The following NIPAL4 variants were observed in gnomAD, a reference collection of about 807,000 sequenced individuals.
NIPAL4 encodes magnesium transporter NIPA4.
In NIPAL4, 21 loss-of-function variants were observed where a neutral mutation model predicts 31.6. That is an observed-to-expected ratio of 0.67 (90% CI 0.47 to 0.96). NIPAL4 has a LOEUF of 0.96. Ranked by LOEUF, NIPAL4 falls within the 40% of genes least tolerant of loss-of-function variation. NIPAL4 has a pLI of 0.00. For missense variants in NIPAL4, 438 were observed against 508.0 expected, an observed-to-expected ratio of 0.86 and a Z score of 1.32; for synonymous variants, 175 against 211.1, an observed-to-expected ratio of 0.83 and a Z score of 1.48.
chr5:157,472,853 C>T lies in NIPAL4; in HGVS notation c.1108C>T (p.Pro370Ser), dbSNP rs867744871. ...CCCACCCCCTTCTCCCGCCCCGGAA[C>T]CCACTGTTATTAGACTGGAAGACAA... ...KNPPPSPAPE[P>S]TVIRLEDKNV... is the part of the protein sequence containing the mutation. The change falls in exon 6 of 6, where the codon CCC becomes TCC. Residue 370 changes from proline (P) to serine (S), a missense_variant. Pro to Ser is a moderately conservative substitution (Grantham distance 74). Coordinates refer to ENST00000311946, the MANE Select transcript of NIPAL4 (RefSeq NM_001099287.2). The T allele has an allele frequency of 1.9e-6, 3 of 1,580,088 alleles. No individual in the cohort carries two copies. Among genetic ancestry groups the T allele is most frequent in the African/African-American group, 1.3e-5 (1 of 74,494 alleles).
chr5:157,462,214 T>G (rs1754129459), intron 1 of NIPAL4, among the ~76,000 whole-genome samples: 1 of 152,168 alleles, frequency 6.6e-6, no homozygotes, highest in Non-Finnish European at 1.5e-5. Context: ...GTATGTCCTA[T>G]TTTAGGGGGC....
intron 1 of NIPAL4, among the ~76,000 whole-genome samples, chr5:157,462,390 C>T (rs1412772149): frequency 3.3e-5 from 5 of 152,136 alleles, no homozygotes; most frequent in African/African-American, 4.8e-5. Context: ...CGGTGGCTCA[C>T]GTCTGTAATC....
At chr5:157,467,009 G>A (rs1391761028) in intron 2 of NIPAL4, 40 bp from the exon 3 acceptor site, 1 of 1,527,206 alleles carries the variant, frequency 6.5e-7, no homozygotes, top group Non-Finnish European at 9.1e-7. Context: ...AGAAAGTGTG[G>A]CCAAGTTCCA....
intron 4 of NIPAL4, among the ~76,000 whole-genome samples, chr5:157,469,287 G>GTT (rs1754362781): frequency 6.6e-6 from 1 of 152,202 alleles, no homozygotes; most frequent in South Asian, 2.1e-4. Context: ...GGGGGGCATT[G>GTT]TTCTGAGGAT....
chr5:157,461,652 ACTGAGATGC>A (rs1754113114), intron 1 of NIPAL4, among the ~76,000 whole-genome samples: 1 of 152,232 alleles, frequency 6.6e-6, no homozygotes, highest in Non-Finnish European at 1.5e-5. Context: ...CTGATTAGGG[ACTGAGATGC>A]CTCTTGTCTC....
chr5:157,466,989 A>C, intron 2 of NIPAL4, 60 bp from the exon 3 acceptor site: 4 of 1,269,486 alleles, frequency 3.2e-6, no homozygotes, highest in Non-Finnish European at 4.6e-6. Context: ...AGAGTTAGGA[A>C]AGGTACCTGA....
intron 1 of NIPAL4, among the ~76,000 whole-genome samples, chr5:157,462,085 G>A (rs1754125858): frequency 6.6e-6 from 1 of 152,176 alleles, no homozygotes; most frequent in African/African-American, 2.4e-5. Flanking sequence ...GGGCCTTGGT[G>A]ACACACAGCT....
intron 2 of NIPAL4, 76 bp downstream of exon 2, chr5:157,463,409 G>A (rs1754165015): frequency 6.8e-7 from 1 of 1,471,018 alleles, no homozygotes; most frequent in Non-Finnish European, 9.0e-7. Flanking sequence ...TAGTCTAAGA[G>A]GATGGCCTCA....
chr5:157,464,356 A>G (rs1212878083), intron 2 of NIPAL4, among the ~76,000 whole-genome samples: 1 of 152,142 alleles, frequency 6.6e-6, no homozygotes, highest in Non-Finnish European at 1.5e-5. Flanking sequence ...ACAGAGGCTG[A>G]GTGCAATTGT....
In NIPAL4 at chr5:157,473,862, C is replaced by T. The variant is rs536996241; in HGVS notation, c.*902C>T. Reference sequence around the variant, plus strand: ...GCTGCCAAGCTAGAATTTGGCAGAACGCACTTTACTATTCCTCAAGGAGTC... The same window carrying T: ...GCTGCCAAGCTAGAATTTGGCAGAATGCACTTTACTATTCCTCAAGGAGTC... On this transcript the variant is annotated 3_prime_UTR_variant, in exon 6 of 6. Coordinates refer to ENST00000311946, the MANE Select transcript of NIPAL4 (RefSeq NM_001099287.2). 2.2e-4 allele frequency: 33 copies of T among 152,276 alleles called. No homozygotes were observed. The highest frequency in any genetic ancestry group is 7.0e-4 in the African/African-American group (29 of 41,522). 9.4% of individuals were successfully genotyped at this position (152,276 alleles called of 1,614,324 possible).
rs1473247242 is a variant in NIPAL4, at chr5:157,472,796, A to G, written c.1051A>G (p.Ser351Gly). The G allele has an allele frequency of 6.2e-7, 1 of 1,606,838 alleles. No homozygotes were observed. Among genetic ancestry groups the G allele is most frequent in the Admixed American group, 1.7e-5 (1 of 59,924 alleles). ...MLHAFKDLDI[S>G]CASLPHMHKN... ...GCATGCTTTCAAAGACCTGGACATCAGCTGCGCCAGCTTGCCCCACATGCA... is the reference window on the plus strand; with the variant it reads ...GCATGCTTTCAAAGACCTGGACATCGGCTGCGCCAGCTTGCCCCACATGCA... Residue 351 changes from serine to glycine, a missense_variant, in exon 6 of 6, where the codon AGC (serine) becomes GGC (glycine). Transcript: ENST00000311946.
At chr5:157,461,350 T>G (rs550467605) in intron 1 of NIPAL4, among the ~76,000 whole-genome samples, 64 of 152,338 alleles carry the variant, frequency 4.2e-4, no homozygotes, top group African/African-American at 1.4e-3. Flanking sequence ...TTCACTGCAG[T>G]GGGAGAACTT....
rs1295423960 is a variant in NIPAL4 at position 157,473,345 on chromosome 5, C to T, written c.*385C>T. On this transcript the variant is annotated 3_prime_UTR_variant, in exon 6 of 6. Coordinates refer to ENST00000311946, the MANE Select transcript of NIPAL4 (RefSeq NM_001099287.2). ...TTGGAAGTTCCTTCACACCAATTCT[C>T]CTCCTGAGACGGAATCTCCGTTGTT... The T allele has an allele frequency of 5.8e-6, 1 of 171,436 alleles. No homozygotes were observed. Among genetic ancestry groups the T allele is most frequent in the Non-Finnish European group, 1.2e-5 (1 of 81,024 alleles). The allele number at this position is 171,436 out of a possible 1,614,324, so 10.6% of individuals were successfully genotyped here. A position where few individuals can be genotyped will look rare whatever the true frequency, so the allele number is the denominator to read the frequency against.
chr5:157,460,539 T>C, intron 1 of NIPAL4, 182 bp downstream of exon 1: 1 of 717,354 alleles, frequency 1.4e-6, no homozygotes, highest in Non-Finnish European at 2.5e-6. Context: ...TTCACTTTCA[T>C]CTTCGCAGCT....
At position 157,471,790 on chromosome 5, in the gene NIPAL4, G is replaced by T. The variant is rs1225886758; in HGVS notation, c.559G>T (p.Glu187Ter). ...PEEEKVTTIM[E>*]MASKMKDTGF... ...GGAAGAGAAGGTCACTACCATCATG[G>T]AGATGGCTTCCAAGATGAAAGACAC... is the stretch of plus-strand genomic sequence containing the variant. Residue 187 changes from glutamate (E) to a stop codon, truncating the protein, a stop_gained, in exon 5 of 6, where the codon GAG becomes TAG. Coordinates refer to ENST00000311946, the MANE Select transcript of NIPAL4 (RefSeq NM_001099287.2). LOFTEE classifies it high-confidence loss of function. 1 of 1,596,240 alleles carries T rather than the reference G, an allele frequency of 6.3e-7. No homozygotes were observed. Among genetic ancestry groups the T allele is most frequent in the African/African-American group, 1.3e-5 (1 of 74,724 alleles).
chr5:157,469,151 C>A (rs916192913), intron 4 of NIPAL4, among the ~76,000 whole-genome samples: 1 of 152,146 alleles, frequency 6.6e-6, no homozygotes, highest in Non-Finnish European at 1.5e-5. Flanking sequence ...ATTAATGCTG[C>A]CTGAGTTCTA....
Position 157,472,371 on chromosome 5 carries a change from T to A in NIPAL4, c.626T>A (p.Leu209His), listed in dbSNP as rs1754463207. 9 of 1,610,682 alleles carry A rather than the reference T, an allele frequency of 5.6e-6. No individual in the cohort carries two copies. The highest frequency in any genetic ancestry group is 1.7e-4 in the Middle Eastern group (1 of 6,056). Residue 209 changes from leucine (L) to histidine (H), a missense_variant, in exon 6 of 6, where the codon CTC (leucine) becomes CAC (histidine). Leu to His is a moderately conservative substitution (Grantham distance 99). Transcript: ENST00000311946. ...VFAVLLLVSCLILIFVIAPRY... is the reference protein window; with the variant it reads ...VFAVLLLVSCHILIFVIAPRY... ...GCTGTGCTTCTGCTGGTGTCATGCC[T>A]CATCCTCATCTTTGTCATTGCCCCA...
At chr5:157,465,126 A>T (rs1053794337) in intron 2 of NIPAL4, among the ~76,000 whole-genome samples, 4 of 152,180 alleles carry the variant, frequency 2.6e-5, no homozygotes, top group African/African-American at 9.7e-5. Context: ...GTGCTGCAAA[A>T]TGAATAGCTG....
intron 1 of NIPAL4, among the ~76,000 whole-genome samples, chr5:157,461,185 G>C (rs900562326): frequency 6.6e-5 from 10 of 152,136 alleles, no homozygotes; most frequent in Non-Finnish European, 1.5e-5. Flanking sequence ...GTCTGACTTT[G>C]GTTTCCTGAA....
Sources: allele counts gnomAD v4.1 joint callset (sites outside exome capture counted in the v4.1 genomes callset), GRCh38; gene constraint gnomAD v4.1.1; transcripts MANE v1.5; gene names NCBI Gene and HGNC (gene_info 2026-07-23, HGNC 2026-07-21).